The following DYSF variants were observed in gnomAD, a reference collection of about 807,000 sequenced individuals.
The protein encoded by DYSF is dysferlin.
A neutral mutation model predicts 274.9 loss-of-function variants in DYSF; 212 were observed. The ratio of observed to expected loss-of-function variants is 0.77; its 90% CI spans 0.69 to 0.86. DYSF has a LOEUF of 0.86. DYSF is among the 40% of genes least tolerant of loss of function. The pLI, the probability that DYSF is intolerant of heterozygous loss-of-function variation, is 0.00. For missense variants in DYSF, 2,666 were observed against 2,783.2 expected, an observed-to-expected ratio of 0.96 and a Z score of 0.95; for synonymous variants, 1,091 against 1,078.7, an observed-to-expected ratio of 1.01 and a Z score of -0.22.
chr2:71,668,687 GAGCAGGTGCTTGGTAAC>G (rs1294993716), intron 48 of DYSF, 50 bp from the exon 49 acceptor site: 1 of 1,494,928 alleles, frequency 6.7e-7, no homozygotes, highest in African/African-American at 1.4e-5. Context: ...ATCTGGCCCA[GAGCAGGTGCTTGGTAAC>G]AGCTGGTTAA....
At chr2:71,478,832 T>TCTC (rs1558958228) in intron 1 of DYSF, among the ~76,000 whole-genome samples, 1 of 151,734 alleles carries the variant, frequency 6.6e-6, no homozygotes, top group Non-Finnish European at 1.5e-5. Flanking sequence ...CGTGCTCTCT[T>TCTC]TCTCTTTTTT....
chr2:71,543,309 C>G (rs9751538), intron 17 of DYSF, among the ~76,000 whole-genome samples: 1 of 150,758 alleles, frequency 6.6e-6, no homozygotes, highest in East Asian at 2.0e-4. Context: ...GATGGGCAGC[C>G]GGGCAGAGAC....
intron 29 of DYSF, among the ~76,000 whole-genome samples, chr2:71,572,814 T>C (rs2092566504): frequency 6.6e-6 from 1 of 152,096 alleles, no homozygotes; most frequent in Non-Finnish European, 1.5e-5. Flanking sequence ...TCGATGCTGA[T>C]GGCAGCTGGG....
intron 1 of DYSF, chr2:71,454,158 TGGAGAGCACCTA>T: frequency 7.0e-7 from 1 of 1,430,184 alleles, no homozygotes; most frequent in South Asian, 1.2e-5. Flanking sequence ...CTCTCAACCC[TGGAGAGCACCTA>T]GAGCTGAGAG....
chr2:71,658,816 A>AATT (rs2152940820), intron 43 of DYSF, 62 bp from the exon 44 acceptor site: 1 of 1,603,126 alleles, frequency 6.2e-7, no homozygotes, highest in East Asian at 2.2e-5. Context: ...TTGGGTGGGG[A>AATT]CACAGCCAAA....
At chr2:71,672,791 A>C (rs1481492567) in intron 51 of DYSF, among the ~76,000 whole-genome samples, 2 of 152,182 alleles carry the variant, frequency 1.3e-5, no homozygotes, top group African/African-American at 4.8e-5. Flanking sequence ...AGCTCGCCAG[A>C]GGAGGGAGGC....
At chr2:71,654,966 G>A (rs532376213) in intron 42 of DYSF, among the ~76,000 whole-genome samples, 1 of 152,006 alleles carries the variant, frequency 6.6e-6, no homozygotes, top group African/African-American at 2.4e-5. Flanking sequence ...GTGGTGGCAC[G>A]CCTGTACTCC....
intron 17 of DYSF, among the ~76,000 whole-genome samples, chr2:71,548,332 G>A (rs763309313): frequency 6.6e-6 from 1 of 152,184 alleles, no homozygotes; most frequent in Non-Finnish European, 1.5e-5. Context: ...TCTGACTGCA[G>A]TCACAGAGCT....
chr2:71,624,774 A>G (rs1201265114), intron 41 of DYSF, among the ~76,000 whole-genome samples: 3 of 152,228 alleles, frequency 2.0e-5, no homozygotes, highest in Non-Finnish European at 2.9e-5. Context: ...GTTTTGAATT[A>G]TAGAAGATTT....
intron 16 of DYSF, among the ~76,000 whole-genome samples, chr2:71,538,519 T>A (rs1257871275): frequency 1.3e-5 from 2 of 152,186 alleles, no homozygotes; most frequent in Admixed American, 6.5e-5. Flanking sequence ...CTTGGGCAAG[T>A]ACCTACATGG....
intron 41 of DYSF, among the ~76,000 whole-genome samples, chr2:71,621,031 C>T (rs2094086187): frequency 6.6e-6 from 1 of 152,108 alleles, no homozygotes; most frequent in African/African-American, 2.4e-5. Context: ...GACTGAGGAA[C>T]CCTGGCTGGC....
intron 8 of DYSF, 36 bp downstream of exon 8, chr2:71,515,787 T>A: frequency 6.2e-7 from 1 of 1,613,322 alleles, no homozygotes; most frequent in Non-Finnish European, 8.5e-7. Context: ...AGAACCTTGG[T>A]GGGCCTTCCA....
chr2:71,476,244 C>T (rs979874318), intron 1 of DYSF, among the ~76,000 whole-genome samples: 4 of 152,260 alleles, frequency 2.6e-5, no homozygotes, highest in African/African-American at 9.6e-5. Context: ...ACTACTGGCA[C>T]CTGATCACTA....
rs147105478 is a variant in DYSF at position 71,460,144 on chromosome 2, C to G, written c.88+6058C>G. On this transcript the variant is annotated intron_variant, in intron 1 of 54. Coordinates refer to the DYSF transcript ENST00000258104. ...AATAGTTGAATGTAGACAGTCCTGACTGGTAAGACTCTGACCCACAGGCTG... is the reference window on the plus strand; with the variant it reads ...AATAGTTGAATGTAGACAGTCCTGAGTGGTAAGACTCTGACCCACAGGCTG... Among the ~76,000 whole-genome samples, 457 of 152,340 alleles carry G rather than the reference C, an allele frequency of 3.0e-3. 2 individuals are homozygous for G. Among genetic ancestry groups the G allele is most frequent in the African/African-American group, 9.0e-3 (374 of 41,586 alleles).
intron 33 of DYSF, 62 bp downstream of exon 33, chr2:71,598,807 T>C: frequency 1.9e-6 from 3 of 1,590,088 alleles, no homozygotes; most frequent in Non-Finnish European, 2.6e-6. Context: ...AAAGGTGGGG[T>C]CTCCAGGGAC....
At position 71,611,237 on chromosome 2, in the gene DYSF, C is replaced by T; in HGVS notation, c.3958-8C>T. On this transcript the variant is annotated splice_polypyrimidine_tract_variant and splice_region_variant and intron_variant, in intron 36 of 55. Coordinates refer to ENST00000410020, the MANE Select transcript of DYSF (RefSeq NM_001130987.2). ...CTTTGTCTCCATTCTACCTGCTGTC[C>T]ACTGCAGTCTGAGGACACAGACCTG... 6.2e-7 allele frequency: 1 copy of T among 1,601,648 alleles called. No homozygotes were observed. The highest frequency in any genetic ancestry group is 8.6e-7 in the Non-Finnish European group (1 of 1,168,666).
intron 7 of DYSF, 67 bp from the exon 8 acceptor site, chr2:71,515,556 G>A: frequency 6.2e-7 from 1 of 1,610,392 alleles, no homozygotes; most frequent in Non-Finnish European, 8.5e-7. Context: ...CTGACTCTTG[G>A]GGTGGATGGT....
At chr2:71,684,312 C>T (rs979877410) in intron 55 of DYSF, among the ~76,000 whole-genome samples, 6 of 152,196 alleles carry the variant, frequency 3.9e-5, no homozygotes, top group Non-Finnish European at 7.3e-5. Flanking sequence ...ACCTGAGATC[C>T]GGGGTCAGGC....
chr2:71,617,937 G>T, intron 40 of DYSF, among the ~76,000 whole-genome samples: 1 of 133,576 alleles, frequency 7.5e-6, no homozygotes, highest in Non-Finnish European at 1.6e-5. Context: ...AGAGGTGTGT[G>T]TGTGGTAGAG....
Sources: gnomAD v4.1 joint callset for allele counts (sites outside exome capture counted in the v4.1 genomes callset) on GRCh38, gnomAD v4.1.1 for gene constraint, MANE v1.5 for transcripts, NCBI Gene and HGNC (gene_info 2026-07-23, HGNC 2026-07-21) for gene names.